Variants in SEC11A observed in about 807,000 individuals in gnomAD.
SEC11A encodes the protein SEC11 homolog A, signal peptidase complex subunit, also known as signal peptidase complex catalytic subunit SEC11A.
SEC11A carries 14 observed loss-of-function variants against 25.6 expected under a neutral mutation model. The ratio of observed to expected loss-of-function variants is 0.55; its 90% CI spans 0.36 to 0.85. The LOEUF (loss-of-function observed/expected upper bound fraction) is 0.85. Among genes scored for constraint, SEC11A ranks in the 40% least tolerant of loss-of-function variants. The pLI is 0.01. For missense variants in SEC11A, 153 were observed against 222.9 expected (o/e 0.69, Z 2.00); for synonymous variants, 83 against 76.4 (o/e 1.09, Z -0.45).
chr15:84,716,042 G>T lies in SEC11A; in HGVS notation c.34C>A (p.Arg12=), dbSNP rs1898457264. The T allele has an allele frequency of 6.2e-7, 1 of 1,613,600 alleles. No individual in the cohort carries two copies. The highest frequency in any genetic ancestry group is 1.1e-5 in the South Asian group (1 of 91,042). Residue 12 remains arginine, a synonymous_variant, in exon 1 of 6, where the codon CGG becomes AGG. Coordinates refer to ENST00000268220, the MANE Select transcript of SEC11A (RefSeq NM_014300.4). The stretch of plus-strand genomic sequence containing the variant: ...AAGCTCACCTGCCGCTTGTTCATCC[G>T]CCGCACATCGTCCAAAAAGTCTAGA... The part of the protein sequence containing the change: ...LSLDFLDDVR[R]MNKRQLYYQV...
chr15:84,709,644 C>T (rs1476436456), intron 1 of SEC11A, among the ~76,000 whole-genome samples: 4 of 151,894 alleles, frequency 2.6e-5, no homozygotes, highest in African/African-American at 4.8e-5. Context: ...GGCTTCACTA[C>T]GTTGGCCAGG....
chr15:84,713,196 A>C, intron 1 of SEC11A, among the ~76,000 whole-genome samples: 1 of 151,650 alleles, frequency 6.6e-6, no homozygotes, highest in East Asian at 1.9e-4. Flanking sequence ...TCCGTCTCAA[A>C]AAAAAAAAAA....
intron 1 of SEC11A, among the ~76,000 whole-genome samples, chr15:84,704,950 G>C (rs1898052646): frequency 6.6e-6 from 1 of 151,572 alleles, no homozygotes; most frequent in African/African-American, 2.4e-5. Flanking sequence ...AAAGAGAAAG[G>C]GTCTCATTCT....
At chr15:84,713,880 G>C (rs971997942) in intron 1 of SEC11A, among the ~76,000 whole-genome samples, 3 of 152,138 alleles carry the variant, frequency 2.0e-5, no homozygotes, top group Admixed American at 2.0e-4. Context: ...GTTTCTCCTT[G>C]AAGCTGTTCG....
intron 1 of SEC11A, among the ~76,000 whole-genome samples, chr15:84,710,368 T>A (rs1898223528): frequency 1.3e-5 from 2 of 152,182 alleles, no homozygotes; most frequent in Non-Finnish European, 2.9e-5. Flanking sequence ...GTGCAGTGGC[T>A]CACACCTGTA....
At chr15:84,685,620 T>A (rs530939630) in intron 3 of SEC11A, among the ~76,000 whole-genome samples, 2 of 151,966 alleles carry the variant, frequency 1.3e-5, no homozygotes, top group Non-Finnish European at 2.9e-5. Context: ...GGAGAAATTT[T>A]CCTCCAGCTT....
At chr15:84,713,281 A>C (rs199503108) in intron 1 of SEC11A, among the ~76,000 whole-genome samples, 4 of 149,272 alleles carry the variant, frequency 2.7e-5, no homozygotes, top group African/African-American at 9.8e-5. Flanking sequence ...ATCTGATAAG[A>C]AAAAAAAAAC....
chr15:84,715,991 A>G, intron 1 of SEC11A, 34 bp downstream of exon 1: 1 of 1,608,974 alleles, frequency 6.2e-7, no homozygotes, highest in Non-Finnish European at 8.5e-7. Flanking sequence ...AGGGACAAGA[A>G]GAGCCAGGAG....
chr15:84,699,158 T>C (rs777485995), intron 1 of SEC11A, among the ~76,000 whole-genome samples: 3 of 151,428 alleles, frequency 2.0e-5, no homozygotes, highest in Admixed American at 2.0e-4. Context: ...CTACCAAAAA[T>C]ACAAAATTTA....
At chr15:84,715,907 C>G (rs1898450168) in intron 1 of SEC11A, 118 bp downstream of exon 1, 2 of 914,062 alleles carry the variant, frequency 2.2e-6, no homozygotes, top group African/African-American at 1.7e-5. Flanking sequence ...AAGCGAATGA[C>G]CCGGGTATCA....
chr15:84,711,984 T>C (rs1357529031), intron 1 of SEC11A, among the ~76,000 whole-genome samples: 1 of 152,154 alleles, frequency 6.6e-6, no homozygotes, highest in African/African-American at 2.4e-5. Flanking sequence ...CTCACATCTG[T>C]AATTCCAGCA....
intron 4 of SEC11A, among the ~76,000 whole-genome samples, chr15:84,679,029 A>G (rs990349984): frequency 1.3e-4 from 20 of 151,818 alleles, no homozygotes; most frequent in Non-Finnish European, 1.6e-4. Flanking sequence ...ACTCATTAAT[A>G]TTTTTATCTC....
chr15:84,703,783 A>G (rs963584443), intron 1 of SEC11A, among the ~76,000 whole-genome samples: 1 of 152,208 alleles, frequency 6.6e-6, no homozygotes, highest in Non-Finnish European at 1.5e-5. Flanking sequence ...TGAGGAAGAG[A>G]TATGTGGATG....
intron 1 of SEC11A, among the ~76,000 whole-genome samples, chr15:84,692,492 A>T (rs1300400464): frequency 6.6e-6 from 1 of 152,234 alleles, no homozygotes; most frequent in Non-Finnish European, 1.5e-5. Context: ...CTTGAAGGTC[A>T]GCCTTCTTAC....
intron 1 of SEC11A, among the ~76,000 whole-genome samples, chr15:84,695,418 G>A (rs574532672): frequency 4.0e-4 from 60 of 151,090 alleles, no homozygotes; most frequent in Admixed American, 1.4e-3. Context: ...GGCCGAGATC[G>A]CACCATTGCA....
At position 84,679,832 on chromosome 15, in the gene SEC11A, C is replaced by G. The variant is rs142415377; in HGVS notation, c.431+881G>C. 917 of 798,082 alleles carry G rather than the reference C, an allele frequency of 1.1e-3. 2 individuals are homozygous for G. Among genetic ancestry groups the G allele is most frequent in the African/African-American group, 8.3e-3 (480 of 58,088 alleles). The allele number at this position is 798,082 out of a possible 1,614,324, so 49.4% of individuals were successfully genotyped here. A position where few individuals can be genotyped will look rare whatever the true frequency, so the allele number is the denominator to read the frequency against. ...CTTGTAAAGCACTTAGAATGAGTCT[C>G]TGGTACACAATAAGCCCTAATAAAC... On this transcript the variant is annotated intron_variant, in intron 4 of 5. Transcript: ENST00000268220.
At chr15:84,688,041 G>A (rs1897482443) in intron 2 of SEC11A, among the ~76,000 whole-genome samples, 1 of 152,046 alleles carries the variant, frequency 6.6e-6, no homozygotes, top group Non-Finnish European at 1.5e-5. Context: ...ATCTTGAAAA[G>A]GTCAGTGTTA....
chr15:84,670,471 T>C, intron 5 of SEC11A: 1 of 291,060 alleles, frequency 3.4e-6, no homozygotes, highest in Non-Finnish European at 6.5e-6. Flanking sequence ...ACTCCTGACC[T>C]CAGGTGATCT....
At chr15:84,688,404 G>GT (rs1897492867) in intron 2 of SEC11A, among the ~76,000 whole-genome samples, 1 of 152,142 alleles carries the variant, frequency 6.6e-6, no homozygotes, top group South Asian at 2.1e-4. Context: ...CAATTCCATG[G>GT]TAACAAGTAA....
Sources: gnomAD v4.1 joint callset for allele counts (sites outside exome capture counted in the v4.1 genomes callset) on GRCh38, gnomAD v4.1.1 for gene constraint, MANE v1.5 for transcripts, NCBI Gene and HGNC (gene_info 2026-07-23, HGNC 2026-07-21) for gene names.